MINAR1: variants seen among roughly 807,000 people sequenced by gnomAD.
The protein encoded by MINAR1 is major intrinsically disordered Notch2-binding receptor 1.
A neutral mutation model predicts 65.1 loss-of-function variants in MINAR1; 40 were observed. The ratio of observed to expected loss-of-function variants is 0.61; its 90% CI spans 0.48 to 0.80. The LOEUF is 0.80. MINAR1 is among the 30% of genes least tolerant of loss of function. The probability of loss-of-function intolerance (pLI) is 0.00; values close to 1 mark genes in which losing one functional copy is unlikely to be tolerated. For synonymous variants in MINAR1, 482 were observed against 449.1 expected (o/e 1.07, Z -0.93); for missense variants, 1,128 against 1,148.0 (o/e 0.98, Z 0.25).
intron 1 of MINAR1, among the ~76,000 whole-genome samples, chr15:79,455,276 G>A (rs1253038077): frequency 2.6e-5 from 4 of 151,926 alleles, no homozygotes; most frequent in African/African-American, 4.8e-5. Flanking sequence ...TTTCATTTTT[G>A]TTTTCAAGAA....
the MINAR1 span, chr15:79,417,620 G>A: frequency 6.6e-6 from 1 of 152,198 alleles, no homozygotes; most frequent in Non-Finnish European, 1.5e-5. Context: ...AGCAGCTGTG[G>A]TTAGAAATCA....
In MINAR1 at chr15:79,468,362, C is replaced by T; in HGVS notation, c.2729C>T (p.Pro910Leu). Residue 910 changes from proline (P) to leucine (L), a missense_variant, in exon 4 of 4, where the codon CCC (proline) becomes CTC (leucine). Pro to Leu is a moderately conservative substitution (Grantham distance 98, BLOSUM62 -3). Transcript: ENST00000305428. ...ACCGTCATCCTCGTTATTGTCGTGC[C>T]CATCTGCACAATGAAATCATGAGCT... The part of the protein sequence containing the change: ...ACTVILVIVV[P>L]ICTMKS The T allele has an allele frequency of 1.2e-6, 2 of 1,613,974 alleles. No homozygotes were observed. The highest frequency in any genetic ancestry group is 1.1e-5 in the South Asian group (1 of 91,010).
At chr15:79,460,154 CTT>C (rs927035746) in intron 2 of MINAR1, among the ~76,000 whole-genome samples, 6 of 152,206 alleles carry the variant, frequency 3.9e-5, no homozygotes, top group African/African-American at 1.4e-4. Flanking sequence ...GATGCATTCT[CTT>C]TATTTTGTCC....
At chr15:79,452,774 C>T (rs1284113812) in intron 1 of MINAR1, among the ~76,000 whole-genome samples, 2 of 137,134 alleles carry the variant, frequency 1.5e-5, no homozygotes, top group Non-Finnish European at 3.2e-5. Flanking sequence ...AAGCTGTGTG[C>T]GTGTCTGTGT....
intron 1 of MINAR1, among the ~76,000 whole-genome samples, chr15:79,452,614 G>A (rs1294819563): frequency 7.0e-6 from 1 of 143,276 alleles, no homozygotes; most frequent in Non-Finnish European, 1.5e-5. Context: ...GTTAGTCTGG[G>A]TGTCTGGATG....
chr15:79,440,891 C>G (rs1021390336), intron 1 of MINAR1, among the ~76,000 whole-genome samples: 1 of 152,192 alleles, frequency 6.6e-6, no homozygotes, highest in African/African-American at 2.4e-5. Context: ...GTCTCCCCCA[C>G]TAGATTATAA....
chr15:79,463,811 T>A, intron 3 of MINAR1: 2 of 451,984 alleles, frequency 4.4e-6, no homozygotes, highest in East Asian at 1.4e-4. Flanking sequence ...CTGGAGGGCA[T>A]GTTTTTTGTT....
chr15:79,421,414 C>T, the MINAR1 span: 3 of 152,228 alleles, frequency 2.0e-5, no homozygotes, highest in Non-Finnish European at 4.4e-5. Flanking sequence ...CTTCTCCCTC[C>T]AGGTCCAGGA....
chr15:79,422,146 G>T, the MINAR1 span: 2 of 152,192 alleles, frequency 1.3e-5, no homozygotes, highest in Non-Finnish European at 2.9e-5. Context: ...CTCCAGTGAG[G>T]CCCCAGCCCT....
the MINAR1 span, chr15:79,422,194 G>A: frequency 1.3e-5 from 2 of 152,224 alleles, no homozygotes; most frequent in Admixed American, 1.3e-4. Flanking sequence ...TTCTCAAGGA[G>A]TAAGTTCTTA....
chr15:79,445,095 T>G (rs936170370), intron 1 of MINAR1, among the ~76,000 whole-genome samples: 2 of 152,108 alleles, frequency 1.3e-5, no homozygotes, highest in Non-Finnish European at 2.9e-5. Flanking sequence ...ATTATTTTCC[T>G]GGTGAGTTGT....
At chr15:79,443,658 A>G (rs1352048873) in intron 1 of MINAR1, among the ~76,000 whole-genome samples, 1 of 152,224 alleles carries the variant, frequency 6.6e-6, no homozygotes, top group Non-Finnish European at 1.5e-5. Context: ...TTATCTTCAA[A>G]TTTATTGTAA....
At chr15:79,448,021 C>T (rs769902329) in intron 1 of MINAR1, among the ~76,000 whole-genome samples, 47 of 152,188 alleles carry the variant, frequency 3.1e-4, no homozygotes, top group Non-Finnish European at 5.9e-4. Context: ...GCCACAGTGC[C>T]AGCTCTCCTG....
chr15:79,434,754 C>CA (rs909361841), intron 1 of MINAR1, among the ~76,000 whole-genome samples: 4 of 151,952 alleles, frequency 2.6e-5, no homozygotes, highest in African/African-American at 9.7e-5. Context: ...GTGTAAATTT[C>CA]AAAAAAAGAA....
the MINAR1 span, chr15:79,423,787 C>T: frequency 6.6e-6 from 1 of 152,218 alleles, no homozygotes; most frequent in African/African-American, 2.4e-5. Flanking sequence ...CTCAATTTTT[C>T]ATCCATAAAG....
the MINAR1 span, chr15:79,416,203 A>G: frequency 6.6e-6 from 1 of 152,210 alleles, no homozygotes; most frequent in African/African-American, 2.4e-5. Flanking sequence ...ATCATAGCCA[A>G]AGCTGCCACA....
intron 1 of MINAR1, among the ~76,000 whole-genome samples, chr15:79,446,613 TTTTCA>T (rs1365268231): frequency 6.6e-6 from 1 of 152,160 alleles, no homozygotes; most frequent in African/African-American, 2.4e-5. Flanking sequence ...CAAGTTTTTC[TTTTCA>T]TTTCTGGTAT....
Position 79,452,728 on chromosome 15 carries a change from CTG to C in MINAR1, c.-50-3365_-50-3364del, listed in dbSNP as rs1366313424. 4.7e-4 allele frequency among the ~76,000 whole-genome samples: 48 copies of C among 102,928 alleles called. 1 individual carries two copies. Among genetic ancestry groups the C allele is most frequent in the African/African-American group, 1.2e-3 (36 of 30,152 alleles). 67.5% of individuals were successfully genotyped at this position (102,928 alleles called of 152,430 possible). On this transcript the variant is annotated intron_variant, in intron 1 of 3. Transcript: ENST00000305428. The stretch of plus-strand genomic sequence containing the variant: ...GATGAGTGTGTGGGTGTGGGTGAGT[CTG>C]TGTGGGTGTGTGGGGGGGGTGTGTG...
Position 79,471,727 on chromosome 15 carries a change from A to AAAT in MINAR1, c.*3345_*3347dup, listed in dbSNP as rs1896091697. The AAAT allele has an allele frequency of 6.7e-6, 1 of 150,010 alleles. No individual in the cohort carries two copies. Among genetic ancestry groups the AAAT allele is most frequent in the African/African-American group, 2.5e-5 (1 of 40,390 alleles). The allele number at this position is 150,010 out of a possible 1,614,324, so 9.3% of individuals were successfully genotyped here. The stretch of plus-strand genomic sequence containing the variant: ...TTTGTTGTTGTTGTTTTTTTTTTTG[A>AAAT]AATAGAAAAAAACAGAAGAAGCTCT... On this transcript the variant is annotated 3_prime_UTR_variant, in exon 4 of 4. Transcript: ENST00000305428.
Sources: allele counts gnomAD v4.1 joint callset (sites outside exome capture counted in the v4.1 genomes callset), GRCh38; gene constraint gnomAD v4.1.1; transcripts MANE v1.5; gene names NCBI Gene and HGNC (gene_info 2026-07-23, HGNC 2026-07-21).